SRPK1: variants seen among roughly 807,000 people sequenced by gnomAD.
SRPK1 encodes SRSF protein kinase 1.
A neutral mutation model predicts 89.5 loss-of-function variants in SRPK1; 52 were observed. The observed-to-expected ratio is 0.58, with a 90% CI of 0.46 to 0.73. The LOEUF (loss-of-function observed/expected upper bound fraction) is 0.73. Ranked by LOEUF, SRPK1 falls within the 30% of genes least tolerant of loss-of-function variation. SRPK1 has a pLI of 0.00. For missense variants in SRPK1, 603 were observed against 780.6 expected (o/e 0.77, Z 2.71); for synonymous variants, 255 against 270.2 (o/e 0.94, Z 0.55).
intron 8 of SRPK1, among the ~76,000 whole-genome samples, chr6:35,872,216 T>C (rs1770048815): frequency 6.6e-6 from 1 of 152,264 alleles, no homozygotes; most frequent in Admixed American, 6.5e-5. Flanking sequence ...AAACCTAAAC[T>C]ATTAATAGCA....
chr6:35,899,064 G>A (rs369593857), intron 2 of SRPK1, among the ~76,000 whole-genome samples: 2 of 152,152 alleles, frequency 1.3e-5, no homozygotes, highest in Non-Finnish European at 2.9e-5. Flanking sequence ...AGGAGGTTGA[G>A]GCAGGAGAAT....
At chr6:35,857,895 C>T (rs1226121727) in intron 12 of SRPK1, among the ~76,000 whole-genome samples, 1 of 152,028 alleles carries the variant, frequency 6.6e-6, no homozygotes, top group Non-Finnish European at 1.5e-5. Context: ...CATCTAGTAC[C>T]CTTTGAAGCC....
intron 6 of SRPK1, among the ~76,000 whole-genome samples, chr6:35,885,857 C>G (rs1464970939): frequency 6.6e-6 from 1 of 152,162 alleles, no homozygotes; most frequent in Non-Finnish European, 1.5e-5. Context: ...CCTTTCAATT[C>G]TACAGTTCTA....
intron 2 of SRPK1, among the ~76,000 whole-genome samples, chr6:35,895,953 A>T (rs1475073999): frequency 1.3e-5 from 2 of 152,206 alleles, no homozygotes; most frequent in Non-Finnish European, 2.9e-5. Flanking sequence ...GAGGGCATGG[A>T]AGCTCTGCAT....
intron 2 of SRPK1, among the ~76,000 whole-genome samples, chr6:35,910,619 T>C (rs1250745898): frequency 6.6e-6 from 1 of 152,226 alleles, no homozygotes; most frequent in African/African-American, 2.4e-5. Flanking sequence ...GAGCCTTCTA[T>C]TGGAAGATGA....
chr6:35,899,012 T>TG (rs1770685503), intron 2 of SRPK1, among the ~76,000 whole-genome samples: 2 of 152,028 alleles, frequency 1.3e-5, no homozygotes, highest in Admixed American at 1.3e-4. Context: ...AATACAAAAA[T>TG]TAGCTGGGCA....
intron 2 of SRPK1, among the ~76,000 whole-genome samples, chr6:35,915,562 G>A (rs1352761418): frequency 2.6e-5 from 4 of 152,070 alleles, no homozygotes; most frequent in South Asian, 4.1e-4. Flanking sequence ...CACTATAGCT[G>A]TGAATTAATT....
At chr6:35,865,340 A>G (rs1211416040) in intron 12 of SRPK1, among the ~76,000 whole-genome samples, 1 of 152,152 alleles carries the variant, frequency 6.6e-6, no homozygotes, top group African/African-American at 2.4e-5. Flanking sequence ...AAAATTAAAA[A>G]TTAAAAAAAA....
chr6:35,895,428 C>T lies in SRPK1; in HGVS notation c.75-4415G>A, dbSNP rs529591059. 7.7e-4 allele frequency among the ~76,000 whole-genome samples: 80 copies of T among 104,062 alleles called. No homozygotes were observed. The South Asian group carries it at 0.025, about 33-fold the overall frequency. The allele number at this position is 104,062 out of a possible 152,430, so 68.3% of individuals were successfully genotyped here. A position where few individuals can be genotyped will look rare whatever the true frequency, so the allele number is the denominator to read the frequency against. On this transcript the variant is annotated intron_variant, in intron 2 of 15. Coordinates refer to ENST00000373825, the MANE Select transcript of SRPK1 (RefSeq NM_003137.5). ...ATGAAACCAAAAACAAAGGTTGAGGCATATGCTTGTGTGTGTGTGTGTGTG... is the reference window on the plus strand; with the variant it reads ...ATGAAACCAAAAACAAAGGTTGAGGTATATGCTTGTGTGTGTGTGTGTGTG...
At chr6:35,873,941 C>T (rs1431483713) in intron 7 of SRPK1, among the ~76,000 whole-genome samples, 1 of 152,058 alleles carries the variant, frequency 6.6e-6, no homozygotes, top group African/African-American at 2.4e-5. Context: ...ATTCTCCTGC[C>T]TCAGCCTCCC....
chr6:35,881,243 C>T (rs1364496411), intron 6 of SRPK1, among the ~76,000 whole-genome samples: 2 of 151,966 alleles, frequency 1.3e-5, no homozygotes, highest in African/African-American at 4.8e-5. Context: ...CAAAGCCAGG[C>T]ATCCATATGA....
At chr6:35,853,918 G>C (rs1206943321) in intron 13 of SRPK1, among the ~76,000 whole-genome samples, 1 of 149,586 alleles carries the variant, frequency 6.7e-6, no homozygotes, top group Non-Finnish European at 1.5e-5. Flanking sequence ...GAGTCTCACT[G>C]TTGTGTTCTT....
intron 2 of SRPK1, among the ~76,000 whole-genome samples, chr6:35,916,034 ACACACACAC>A: frequency 1.4e-5 from 2 of 142,966 alleles, no homozygotes; most frequent in African/African-American, 5.3e-5. Flanking sequence ...ACACACACAC[ACACACACAC>A]GTTTATTAAT....
intron 8 of SRPK1, among the ~76,000 whole-genome samples, chr6:35,871,815 C>T (rs947839943): frequency 5.3e-5 from 8 of 152,188 alleles, no homozygotes; most frequent in South Asian, 2.1e-4. Context: ...TATCACAACT[C>T]GTGGCAGCCT....
At chr6:35,920,063 A>G in intron 2 of SRPK1, 1 of 459,666 alleles carries the variant, frequency 2.2e-6, no homozygotes, top group Non-Finnish European at 4.4e-6. Flanking sequence ...CTTAAGGCCT[A>G]CCGTGAAGAC....
intron 13 of SRPK1, among the ~76,000 whole-genome samples, chr6:35,843,071 C>G (rs1450549770): frequency 6.6e-6 from 1 of 151,178 alleles, no homozygotes; most frequent in Non-Finnish European, 1.5e-5. Context: ...TGGGTTCACA[C>G]CATTCTCCTG....
At chr6:35,887,479 G>A (rs1770435364) in intron 5 of SRPK1, among the ~76,000 whole-genome samples, 1 of 152,096 alleles carries the variant, frequency 6.6e-6, no homozygotes, top group African/African-American at 2.4e-5. Context: ...CGGGGTAAAG[G>A]CGACCTAAAC....
At chr6:35,860,389 T>A (rs1769755951) in intron 12 of SRPK1, among the ~76,000 whole-genome samples, 1 of 152,120 alleles carries the variant, frequency 6.6e-6, no homozygotes, top group Non-Finnish European at 1.5e-5. Flanking sequence ...AGAGATTAAT[T>A]CTGTTGTGAT....
At chr6:35,896,005 T>C (rs1319959437) in intron 2 of SRPK1, among the ~76,000 whole-genome samples, 2 of 152,226 alleles carry the variant, frequency 1.3e-5, no homozygotes, top group African/African-American at 4.8e-5. Flanking sequence ...TTCATCTCTA[T>C]CCTTTGTAAT....
Sources: allele counts gnomAD v4.1 joint callset (sites outside exome capture counted in the v4.1 genomes callset), GRCh38; gene constraint gnomAD v4.1.1; transcripts MANE v1.5; gene names NCBI Gene and HGNC (gene_info 2026-07-23, HGNC 2026-07-21).